Variants in AGPAT4 observed in about 807,000 individuals in gnomAD.
AGPAT4 encodes the protein 1-acyl-sn-glycerol-3-phosphate acyltransferase delta.
In AGPAT4, 15 loss-of-function variants were observed where a neutral mutation model predicts 48.0. The observed-to-expected ratio is 0.31, with a 90% CI of 0.21 to 0.48. The LOEUF is 0.48. AGPAT4 is among the 20% of genes least tolerant of loss of function. The probability of loss-of-function intolerance (pLI) is 0.99; values close to 1 mark genes in which losing one functional copy is unlikely to be tolerated. For missense variants in AGPAT4, 314 were observed against 482.5 expected (o/e 0.65, Z 3.27); for synonymous variants, 178 against 198.7 (o/e 0.90, Z 0.88).
intron 2 of AGPAT4, among the ~76,000 whole-genome samples, chr6:161,228,035 GGA>G (rs1782028758): frequency 6.6e-6 from 1 of 152,112 alleles, no homozygotes; most frequent in African/African-American, 2.4e-5. Context: ...TGAACCAATG[GGA>G]AGAAAGATCA....
chr6:161,207,539 A>G (rs1022509583), intron 2 of AGPAT4, among the ~76,000 whole-genome samples: 3 of 152,384 alleles, frequency 2.0e-5, no homozygotes, highest in South Asian at 2.1e-4. Context: ...CCTGCAAGGT[A>G]CAAAGCACTG....
At chr6:161,136,669 C>G in intron 8 of AGPAT4, 35 bp from the exon 9 acceptor site, 1 of 1,590,014 alleles carries the variant, frequency 6.3e-7, no homozygotes, top group Non-Finnish European at 8.6e-7. Context: ...TAGGAGTAGC[C>G]CAAACAGACT....
rs1343044789 is a variant in AGPAT4, at chr6:161,149,279, T to C, written c.675A>G (p.Val225=). 6.2e-7 allele frequency: 1 copy of C among 1,610,830 alleles called. No individual in the cohort carries two copies. Among genetic ancestry groups the C allele is most frequent in the Non-Finnish European group, 8.5e-7 (1 of 1,179,740 alleles). Residue 225 remains valine (V), a synonymous_variant, in exon 6 of 9, where the codon GTA becomes GTG. Coordinates refer to ENST00000320285, the MANE Select transcript of AGPAT4 (RefSeq NM_020133.3). This position sits in a 1 kb window ranked among gnomAD's most constrained non-coding sequence, Gnocchi z 6.5. ...VRSLRNVVSA[V]YDCTLNFRNN... is the part of the protein sequence containing the mutation. ...TTCTGAAATTGAGTGTACAGTCATA[T>C]ACAGCTGAAACTATAAAAAATAAAA... is the stretch of plus-strand genomic sequence containing the variant.
At chr6:161,265,738 G>C (rs1389034672) in intron 1 of AGPAT4, among the ~76,000 whole-genome samples, 2 of 152,122 alleles carry the variant, frequency 1.3e-5, no homozygotes, top group African/African-American at 4.8e-5. Context: ...CACAGATCTG[G>C]GTGTGGAAGG....
chr6:161,148,316 C>T lies in AGPAT4; in HGVS notation c.767+871G>A, dbSNP rs1188015912. On this transcript the variant is annotated intron_variant, in intron 6 of 8. Transcript: ENST00000320285. The surrounding 1 kb of genome is among the most constrained non-coding windows in gnomAD (Gnocchi z 5.5). Reference sequence around the variant, plus strand: ...ATGCTGTCCTATTTTCATGGGAAAGCCAGAGTCATTTTTAGATCAGAAGCT... The same window carrying T: ...ATGCTGTCCTATTTTCATGGGAAAGTCAGAGTCATTTTTAGATCAGAAGCT... Among the ~76,000 whole-genome samples, 2 of 152,154 alleles carry T rather than the reference C, an allele frequency of 1.3e-5. No homozygotes were observed. The highest frequency in any genetic ancestry group is 1.3e-4 in the Admixed American group (2 of 15,276).
At chr6:161,151,912 A>G (rs956599208) in intron 5 of AGPAT4, among the ~76,000 whole-genome samples, 3 of 152,228 alleles carry the variant, frequency 2.0e-5, no homozygotes, top group African/African-American at 7.2e-5. Flanking sequence ...AGGGAGCAGG[A>G]TAATTCTGGC....
chr6:161,188,777 A>G (rs945928631), intron 2 of AGPAT4, among the ~76,000 whole-genome samples: 2 of 152,090 alleles, frequency 1.3e-5, no homozygotes, highest in Non-Finnish European at 1.5e-5. Context: ...TGAACAGGGC[A>G]CCTCTGGGTT....
At chr6:161,168,442 C>T (rs1024538241) in intron 2 of AGPAT4, among the ~76,000 whole-genome samples, 2 of 152,088 alleles carry the variant, frequency 1.3e-5, no homozygotes, top group Non-Finnish European at 1.5e-5. Context: ...GCCCCCTACC[C>T]CACTCACATG....
chr6:161,161,665 CAA>C lies in AGPAT4; in HGVS notation c.348+4581_348+4582del. ...TGGAAACTTCTAACTTCTCTTCAGC[CAA>C]AGAGCCCTTGACAAGTGCATGTGTA... is the stretch of plus-strand genomic sequence containing the variant. On this transcript the variant is annotated intron_variant, in intron 3 of 8. Transcript: ENST00000320285. The surrounding 1 kb of genome is among the most constrained non-coding windows in gnomAD (Gnocchi z 4.6). 1 of 359,388 alleles carries C rather than the reference CAA, an allele frequency of 2.8e-6. No homozygotes were observed. Among genetic ancestry groups the C allele is most frequent in the Non-Finnish European group, 5.5e-6 (1 of 180,444 alleles). The allele number at this position is 359,388 out of a possible 1,614,324, so 22.3% of individuals were successfully genotyped here.
chr6:161,208,869 GA>G lies in AGPAT4; in HGVS notation c.178+23166del, dbSNP rs934518120. Among the ~76,000 whole-genome samples the G allele has an allele frequency of 2.6e-5, 4 of 152,032 alleles. No homozygotes were observed. Among genetic ancestry groups the G allele is most frequent in the African/African-American group, 2.4e-5 (1 of 41,372 alleles). The stretch of plus-strand genomic sequence containing the variant: ...GATGAAATGCACAGCTGCCTAACAG[GA>G]AAAAAATCATTAATAATCAGGTGAA... On this transcript the variant is annotated intron_variant, in intron 2 of 8. Coordinates refer to ENST00000320285, the MANE Select transcript of AGPAT4 (RefSeq NM_020133.3). This position sits in a 1 kb window ranked among gnomAD's most constrained non-coding sequence, Gnocchi z 4.6.
In AGPAT4 at chr6:161,146,202, A is replaced by C. The variant is rs559588997; in HGVS notation, c.843+322T>G. Among the ~76,000 whole-genome samples, 1 of 151,526 alleles carries C rather than the reference A, an allele frequency of 6.6e-6. No individual in the cohort carries two copies. Among genetic ancestry groups the C allele is most frequent in the African/African-American group, 2.4e-5 (1 of 40,824 alleles). On this transcript the variant is annotated intron_variant, in intron 7 of 8. Transcript: ENST00000320285. The surrounding 1 kb of genome is among the most constrained non-coding windows in gnomAD (Gnocchi z 7.1). The stretch of plus-strand genomic sequence containing the variant: ...TCCAGAAGCAATCAAGACCATGTCC[A>C]TTGCTGCGGAGAACATCCACCCCAC...
rs527876503 is a variant in AGPAT4 at position 161,148,837 on chromosome 6, A to C, written c.767+350T>G. Among the ~76,000 whole-genome samples, 2 of 152,358 alleles carry C rather than the reference A, an allele frequency of 1.3e-5. No homozygotes were observed. Among genetic ancestry groups the C allele is most frequent in the South Asian group, 4.1e-4 (2 of 4,832 alleles). ...TTTGTGTCTAGACCGCCTTATATAA[A>C]TACACATCTGTGTGTATTCCATACA... On this transcript the variant is annotated intron_variant, in intron 6 of 8. Transcript: ENST00000320285. The surrounding 1 kb of genome is among the most constrained non-coding windows in gnomAD (Gnocchi z 5.5).
Position 161,149,364 on chromosome 6 carries a change from G to A in AGPAT4, c.665-75C>T. The stretch of plus-strand genomic sequence containing the variant: ...TTTTGTTCTGTAGATACACACATTG[G>A]AAGACAATAATCAAATGGCTAACTG... On this transcript the variant is annotated intron_variant, in intron 5 of 8. Coordinates refer to ENST00000320285, the MANE Select transcript of AGPAT4 (RefSeq NM_020133.3). This position sits in a 1 kb window ranked among gnomAD's most constrained non-coding sequence, Gnocchi z 6.5. 2 of 1,318,470 alleles carry A rather than the reference G, an allele frequency of 1.5e-6. No individual in the cohort carries two copies. Among genetic ancestry groups the A allele is most frequent in the Non-Finnish European group, 2.0e-6 (2 of 979,500 alleles). The allele number at this position is 1,318,470 out of a possible 1,614,324, so 81.7% of individuals were successfully genotyped here.
Position 161,169,659 on chromosome 6 carries a change from ACTT to A in AGPAT4, c.179-3245_179-3243del. Among the ~76,000 whole-genome samples the A allele has an allele frequency of 6.6e-6, 1 of 152,238 alleles. No homozygotes were observed. ...CCCATTTTCTTAATCAAATGATTTC[ACTT>A]CTTTTTTAATTCACAGAAACACATT... On this transcript the variant is annotated intron_variant, in intron 2 of 8. Transcript: ENST00000320285. This position sits in a 1 kb window ranked among gnomAD's most constrained non-coding sequence, Gnocchi z 5.0.
In AGPAT4 at chr6:161,249,419, G is replaced by C. The variant is rs1782746371; in HGVS notation, c.-89-17117C>G. 2.0e-5 allele frequency among the ~76,000 whole-genome samples: 3 copies of C among 152,110 alleles called. No individual in the cohort carries two copies. The highest frequency in any genetic ancestry group is 2.0e-4 in the Admixed American group (3 of 15,268). ...TGATATATTTGCAAACTATGCATCT[G>C]ACAAAGGCCTAAAATCCAGCATCCA... On this transcript the variant is annotated intron_variant, in intron 1 of 8. Transcript: ENST00000320285. This position sits in a 1 kb window ranked among gnomAD's most constrained non-coding sequence, Gnocchi z 6.2.
chr6:161,153,216 C>T (rs535566990), intron 5 of AGPAT4, 130 bp downstream of exon 5: 445 of 1,274,356 alleles, frequency 3.5e-4, no homozygotes, highest in Non-Finnish European at 4.3e-4. Context: ...TGGACTTGAG[C>T]AGCCACTCTG....
intron 2 of AGPAT4, among the ~76,000 whole-genome samples, chr6:161,181,243 C>G (rs745436719): frequency 6.6e-6 from 1 of 152,166 alleles, no homozygotes. Context: ...TCTCTTGTGT[C>G]CTGGTACTCA....
In AGPAT4 at chr6:161,161,042, G is replaced by A. The variant is rs1167806861; in HGVS notation, c.348+5206C>T. On this transcript the variant is annotated intron_variant, in intron 3 of 8. Transcript: ENST00000320285. This position sits in a 1 kb window ranked among gnomAD's most constrained non-coding sequence, Gnocchi z 4.6. The stretch of plus-strand genomic sequence containing the variant: ...AGCACGAAAGGGGGACAGTTCATGG[G>A]ATGATACCAAGTCGGTGTACAGCAG... 3 of 456,410 alleles carry A rather than the reference G, an allele frequency of 6.6e-6. No individual in the cohort carries two copies. The highest frequency in any genetic ancestry group is 1.3e-5 in the Non-Finnish European group (3 of 226,900). The allele number at this position is 456,410 out of a possible 1,614,324, so 28.3% of individuals were successfully genotyped here.
chr6:161,236,003 C>T lies in AGPAT4; in HGVS notation c.-89-3701G>A, dbSNP rs962461039. Among the ~76,000 whole-genome samples the T allele has an allele frequency of 2.6e-5, 4 of 152,088 alleles. No individual in the cohort carries two copies. The highest frequency in any genetic ancestry group is 2.1e-4 in the South Asian group (1 of 4,822). On this transcript the variant is annotated intron_variant, in intron 1 of 8. Transcript: ENST00000320285. This position sits in a 1 kb window ranked among gnomAD's most constrained non-coding sequence, Gnocchi z 5.0. ...GCAATTAGCCAATTTCATGTCATGC[C>T]GAGGAAAGATGGTATAAATATCTGG... is the stretch of plus-strand genomic sequence containing the variant.
Sources: allele counts gnomAD v4.1 joint callset (sites outside exome capture counted in the v4.1 genomes callset), GRCh38; gene constraint gnomAD v4.1.1; non-coding constraint Gnocchi (gnomAD v3.1); transcripts MANE v1.5; gene names NCBI Gene and HGNC (gene_info 2026-07-23, HGNC 2026-07-21).